Variants in IL20RA observed in about 807,000 individuals in gnomAD.
The protein encoded by IL20RA is interleukin-20 receptor subunit alpha.
A neutral mutation model predicts 36.5 loss-of-function variants in IL20RA; 29 were observed. The observed-to-expected ratio is 0.79, with a 90% CI of 0.59 to 1.08. The LOEUF is 1.08. Among genes scored for constraint, IL20RA ranks in the 50% least tolerant of loss-of-function variants. The pLI, the probability that IL20RA is intolerant of heterozygous loss-of-function variation, is 0.00. For missense variants in IL20RA, 652 were observed against 668.4 expected, an observed-to-expected ratio of 0.98 and a Z score of 0.27; for synonymous variants, 279 against 267.1, an observed-to-expected ratio of 1.04 and a Z score of -0.43.
chr6:137,027,874 G>C (rs1776148758), intron 1 of IL20RA, among the ~76,000 whole-genome samples: 1 of 152,182 alleles, frequency 6.6e-6, no homozygotes. Context: ...TTAGGTAAGT[G>C]GGAAATGCTC....
At position 137,035,416 on chromosome 6, in the gene IL20RA, G is replaced by A. The variant is rs191767020; in HGVS notation, c.88+9225C>T. Among the ~76,000 whole-genome samples the A allele has an allele frequency of 4.7e-4, 72 of 152,252 alleles. 1 individual carries two copies. Among genetic ancestry groups the A allele is most frequent in the African/African-American group, 1.7e-3 (70 of 41,552 alleles). ...CCTGCCTGACACCATTATTAGATCA[G>A]GTGTCTTATCCTATGCTTCTAAAGA... On this transcript the variant is annotated intron_variant, in intron 1 of 6. Coordinates refer to ENST00000316649, the MANE Select transcript of IL20RA (RefSeq NM_014432.4).
intron 1 of IL20RA, among the ~76,000 whole-genome samples, chr6:137,030,835 G>C (rs751694313): frequency 1.3e-5 from 2 of 151,834 alleles, no homozygotes; most frequent in Non-Finnish European, 2.9e-5. Context: ...ATACTCAGAC[G>C]TAGTAACTTT....
intron 1 of IL20RA, among the ~76,000 whole-genome samples, chr6:137,025,572 G>T (rs1300182117): frequency 6.6e-6 from 1 of 152,212 alleles, no homozygotes; most frequent in Non-Finnish European, 1.5e-5. Flanking sequence ...AAAGGAAAAA[G>T]TTCTCTGTTT....
At chr6:137,024,189 T>G (rs189440950) in intron 1 of IL20RA, among the ~76,000 whole-genome samples, 12 of 152,218 alleles carry the variant, frequency 7.9e-5, no homozygotes, top group Non-Finnish European at 1.5e-5. Flanking sequence ...TGATAACTAG[T>G]ATTCTCTTTA....
At chr6:137,039,260 G>A (rs541545126) in intron 1 of IL20RA, among the ~76,000 whole-genome samples, 20 of 152,300 alleles carry the variant, frequency 1.3e-4, no homozygotes, top group African/African-American at 4.1e-4. Flanking sequence ...TTCTAGGCAG[G>A]AGGAGTGCAC....
chr6:137,013,973 TC>T (rs1308606858), intron 2 of IL20RA, among the ~76,000 whole-genome samples: 2 of 152,262 alleles, frequency 1.3e-5, no homozygotes, highest in African/African-American at 4.8e-5. Flanking sequence ...ATGACTCTTG[TC>T]TATTTTTTAA....
At chr6:137,039,377 G>C (rs1776600306) in intron 1 of IL20RA, among the ~76,000 whole-genome samples, 1 of 152,174 alleles carries the variant, frequency 6.6e-6, no homozygotes, top group African/African-American at 2.4e-5. Context: ...TAGATCAGGA[G>C]GCCTGCAAAT....
Position 137,002,010 on chromosome 6 carries a change from C to T in IL20RA, c.1210G>A (p.Asp404Asn), listed in dbSNP as rs1445485120. 6.2e-7 allele frequency: 1 copy of T among 1,614,156 alleles called. No homozygotes were observed. Among genetic ancestry groups the T allele is most frequent in the Non-Finnish European group, 8.5e-7 (1 of 1,179,990 alleles). ...GCACAAATGTCAGTGGTTCTGACATCATATTCATATTCAATGACTGTTTTA... is the reference window on the plus strand; with the variant it reads ...GCACAAATGTCAGTGGTTCTGACATTATATTCATATTCAATGACTGTTTTA... ...PDKTVIEYEY[D>N]VRTTDICAGP... Residue 404 changes from aspartate (D) to asparagine (N), a missense_variant, in exon 7 of 7, where the codon GAT becomes AAT. Transcript: ENST00000316649.
At chr6:137,028,428 A>T (rs940677241) in intron 1 of IL20RA, among the ~76,000 whole-genome samples, 1 of 151,944 alleles carries the variant, frequency 6.6e-6, no homozygotes, top group African/African-American at 2.4e-5. Context: ...AAAAAAAAAA[A>T]AAAAAAGAAA....
chr6:137,011,906 A>G (rs1232038981), intron 2 of IL20RA, among the ~76,000 whole-genome samples: 1 of 152,208 alleles, frequency 6.6e-6, no homozygotes. Context: ...AAATCTAAGT[A>G]TCAATGATTC....
At chr6:137,009,513 G>A in intron 3 of IL20RA, 21 bp from the exon 4 acceptor site, 1 of 1,508,964 alleles carries the variant, frequency 6.6e-7, no homozygotes, top group Non-Finnish European at 9.2e-7. Flanking sequence ...GAGAAAGAGG[G>A]TATTATCATG....
chr6:137,030,907 A>G (rs1348934530), intron 1 of IL20RA, among the ~76,000 whole-genome samples: 1 of 152,178 alleles, frequency 6.6e-6, no homozygotes, highest in Non-Finnish European at 1.5e-5. Context: ...TCTCTGGAGT[A>G]TGCTTTCAGC....
chr6:137,000,060 C>T lies in IL20RA; in HGVS notation c.*1498G>A, dbSNP rs1027125551. On this transcript the variant is annotated 3_prime_UTR_variant, in exon 7 of 7. Coordinates refer to ENST00000316649, the MANE Select transcript of IL20RA (RefSeq NM_014432.4). Reference sequence around the variant, plus strand: ...TACTTTTACAGTTAGTGTAATACATCTGTTCTTCAAAACCAGCAGAATCGT... The same window carrying T: ...TACTTTTACAGTTAGTGTAATACATTTGTTCTTCAAAACCAGCAGAATCGT... 1 of 152,208 alleles carries T rather than the reference C, an allele frequency of 6.6e-6. No homozygotes were observed. Among genetic ancestry groups the T allele is most frequent in the Non-Finnish European group, 1.5e-5 (1 of 68,038 alleles). The allele number at this position is 152,208 out of a possible 1,614,324, so 9.4% of individuals were successfully genotyped here.
intron 1 of IL20RA, among the ~76,000 whole-genome samples, chr6:137,025,673 G>T (rs1296919351): frequency 6.6e-6 from 1 of 152,212 alleles, no homozygotes; most frequent in Admixed American, 6.5e-5. Flanking sequence ...ATAAAATGCA[G>T]CTGCTACATT....
chr6:137,027,220 C>T (rs1776122534), intron 1 of IL20RA, among the ~76,000 whole-genome samples: 1 of 152,166 alleles, frequency 6.6e-6, no homozygotes, highest in Admixed American at 6.6e-5. Flanking sequence ...CAATATGATT[C>T]AGTGAGGACC....
intron 1 of IL20RA, among the ~76,000 whole-genome samples, chr6:137,042,351 G>T (rs1316988378): frequency 6.6e-6 from 1 of 152,206 alleles, no homozygotes; most frequent in Non-Finnish European, 1.5e-5. Context: ...CCTCTGAAGG[G>T]CTTTGAGCAG....
chr6:137,034,924 G>A (rs1258161957), intron 1 of IL20RA, among the ~76,000 whole-genome samples: 2 of 147,502 alleles, frequency 1.4e-5, no homozygotes, highest in Non-Finnish European at 3.0e-5. Context: ...CAGCCTGGGT[G>A]AAAGAGCGAG....
chr6:137,016,993 C>A lies in IL20RA; in HGVS notation c.199G>T (p.Val67Phe). The change falls in exon 2 of 7, where the codon GTT becomes TTT. Residue 67 changes from valine (V) to phenylalanine (F), a missense_variant. Physicochemically the swap from Val to Phe is conservative, Grantham distance 50. Coordinates refer to ENST00000316649, the MANE Select transcript of IL20RA (RefSeq NM_014432.4). ...TPPEGLQGVK[V>F]TYTVQYFIYG... is the part of the protein sequence containing the mutation. ...ATGAAATACTGCACAGTGTAAGTAA[C>A]TTTAACTCCTTGAAGACCCTCTGGT... 6.2e-7 allele frequency: 1 copy of A among 1,613,750 alleles called. No homozygotes were observed. Among genetic ancestry groups the A allele is most frequent in the Non-Finnish European group, 8.5e-7 (1 of 1,179,706 alleles).
In IL20RA at chr6:137,016,991, A is replaced by G; in HGVS notation, c.201T>C (p.Val67=). 1 of 1,613,784 alleles carries G rather than the reference A, an allele frequency of 6.2e-7. No homozygotes were observed. Among genetic ancestry groups the G allele is most frequent in the Non-Finnish European group, 8.5e-7 (1 of 1,179,664 alleles). ...ACATGAAATACTGCACAGTGTAAGT[A>G]ACTTTAACTCCTTGAAGACCCTCTG... ...TPPEGLQGVK[V]TYTVQYFIYG... is the part of the protein sequence containing the mutation. The change falls in exon 2 of 7, where the codon GTT becomes GTC. Residue 67 remains valine, a synonymous_variant. Coordinates refer to ENST00000316649, the MANE Select transcript of IL20RA (RefSeq NM_014432.4).
Sources: gnomAD v4.1 joint callset for allele counts (sites outside exome capture counted in the v4.1 genomes callset) on GRCh38, gnomAD v4.1.1 for gene constraint, MANE v1.5 for transcripts, NCBI Gene and HGNC (gene_info 2026-07-23, HGNC 2026-07-21) for gene names.